Variants in VPS54 observed in about 807,000 individuals in gnomAD.
VPS54 encodes the protein VPS54 subunit of GARP complex.
In VPS54, 45 loss-of-function variants were observed where a neutral mutation model predicts 121.5. That is an observed-to-expected ratio of 0.37 (90% CI 0.29 to 0.47). VPS54 has a LOEUF of 0.47. Ranked by LOEUF, VPS54 falls within the 20% of genes least tolerant of loss-of-function variation. VPS54 has a pLI of 0.99. For synonymous variants in VPS54, 371 were observed against 385.8 expected (o/e 0.96, Z 0.45); for missense variants, 1,090 against 1,131.4 (o/e 0.96, Z 0.52).
intron 1 of VPS54, among the ~76,000 whole-genome samples, chr2:64,012,591 C>T (rs74345562): frequency 0.028 from 4,277 of 151,692 alleles, 197 homozygotes; most frequent in African/African-American, 0.098. Flanking sequence ...AGAGTTAATC[C>T]CCCAACAGCT....
At chr2:63,942,797 G>C (rs1674801290) in intron 10 of VPS54, among the ~76,000 whole-genome samples, 1 of 152,090 alleles carries the variant, frequency 6.6e-6, no homozygotes, top group Non-Finnish European at 1.5e-5. Flanking sequence ...CAAGCTTTAT[G>C]ATCATTGAAT....
intron 1 of VPS54, 41 bp from the exon 2 acceptor site, chr2:63,984,060 C>G: frequency 6.7e-7 from 1 of 1,489,448 alleles, no homozygotes. Flanking sequence ...CACCGCAAAT[C>G]AAAATCCAAG....
chr2:63,986,590 GATTTC>G (rs1480856165), intron 1 of VPS54, among the ~76,000 whole-genome samples: 7 of 152,262 alleles, frequency 4.6e-5, no homozygotes, highest in African/African-American at 1.7e-4. Flanking sequence ...TCAATATACT[GATTTC>G]ATTTATTGTA....
chr2:64,014,885 A>C (rs1374643470), intron 1 of VPS54, among the ~76,000 whole-genome samples: 1 of 152,180 alleles, frequency 6.6e-6, no homozygotes, highest in Non-Finnish European at 1.5e-5. Flanking sequence ...AGTGATCTCA[A>C]CTGTCAATTA....
chr2:63,944,922 C>G (rs942983777), intron 9 of VPS54, among the ~76,000 whole-genome samples: 3 of 152,146 alleles, frequency 2.0e-5, no homozygotes, highest in Non-Finnish European at 2.9e-5. Context: ...AAAGGGAACA[C>G]TTATACACTG....
chr2:63,995,745 C>A (rs1036618843), intron 1 of VPS54, among the ~76,000 whole-genome samples: 1 of 152,220 alleles, frequency 6.6e-6, no homozygotes, highest in African/African-American at 2.4e-5. Flanking sequence ...GACTGGAATA[C>A]TTCAGATTTC....
At chr2:63,962,581 T>G in intron 6 of VPS54, 138 bp from the exon 7 acceptor site, 1 of 1,110,350 alleles carries the variant, frequency 9.0e-7, no homozygotes, top group South Asian at 1.7e-5. Context: ...GTGAGATCCT[T>G]GAAATTGGGC....
At position 63,899,420 on chromosome 2, in the gene VPS54, G is replaced by C. The variant is rs1471803997; in HGVS notation, c.2733+54C>G. The C allele has an allele frequency of 3.3e-6, 5 of 1,497,498 alleles. No homozygotes were observed. The East Asian group carries it at 9.1e-5, about 27-fold the overall frequency. 92.8% of individuals were successfully genotyped at this position (1,497,498 alleles called of 1,614,324 possible). On this transcript the variant is annotated intron_variant, in intron 21 of 22. Transcript: ENST00000272322. ...AAGCATGTAAAAACACCCCAATTCT[G>C]TACAGATATTGTATGTTATATATAC...
rs372423304 is a variant in VPS54 at position 63,911,889 on chromosome 2, T to C, written c.2625+456A>G. Among the ~76,000 whole-genome samples, 20 of 152,338 alleles carry C rather than the reference T, an allele frequency of 1.3e-4. No individual in the cohort carries two copies. The East Asian group carries it at 3.7e-3, about 28-fold the overall frequency. On this transcript the variant is annotated intron_variant, in intron 20 of 22. Coordinates refer to ENST00000272322, the MANE Select transcript of VPS54 (RefSeq NM_016516.3). Reference sequence around the variant, plus strand: ...ATTGGGGCTGACTAAATGATATTTTTCTGAAGATACTCTCCCAGTATAACT... The same window carrying C: ...ATTGGGGCTGACTAAATGATATTTTCCTGAAGATACTCTCCCAGTATAACT...
At chr2:64,000,585 G>A (rs1677825455) in intron 1 of VPS54, among the ~76,000 whole-genome samples, 1 of 152,220 alleles carries the variant, frequency 6.6e-6, no homozygotes, top group African/African-American at 2.4e-5. Context: ...AGCTGTATCT[G>A]CTTTAGGGGG....
chr2:63,995,855 A>C, intron 1 of VPS54, among the ~76,000 whole-genome samples: 1 of 152,234 alleles, frequency 6.6e-6, no homozygotes, highest in African/African-American at 2.4e-5. Context: ...GGACATGACT[A>C]AATTAAATAA....
intron 1 of VPS54, among the ~76,000 whole-genome samples, chr2:64,001,783 A>C (rs941057231): frequency 6.6e-6 from 1 of 151,822 alleles, no homozygotes; most frequent in Non-Finnish European, 1.5e-5. Flanking sequence ...CCCAAGCAGA[A>C]GGTAGGGATA....
At chr2:63,971,073 C>G (rs908696243) in intron 4 of VPS54, among the ~76,000 whole-genome samples, 58 of 152,244 alleles carry the variant, frequency 3.8e-4, no homozygotes, top group African/African-American at 1.3e-3. Flanking sequence ...CACTGTCACC[C>G]ACCCAGTTGT....
chr2:63,978,666 C>G (rs919302601), intron 3 of VPS54, among the ~76,000 whole-genome samples: 4 of 152,094 alleles, frequency 2.6e-5, no homozygotes, highest in African/African-American at 9.7e-5. Flanking sequence ...GTCACCCAGG[C>G]TGGAGTGGAA....
rs764515091 is a variant in VPS54, at chr2:64,005,089, C to CTTTTTTTTTTTTTTTTTTTTTT, written c.-21+13827_-21+13848dup. Among the ~76,000 whole-genome samples, 3 of 44,130 alleles carry CTTTTTTTTTTTTTTTTTTTTTT rather than the reference C, an allele frequency of 6.8e-5. 1 individual carries two copies. Among genetic ancestry groups the CTTTTTTTTTTTTTTTTTTTTTT allele is most frequent in the African/African-American group, 1.9e-4 (2 of 10,540 alleles). 29.0% of individuals were successfully genotyped at this position (44,130 alleles called of 152,430 possible). ...TACCATGCCCAGTCTACTATTGCTT[C>CTTTTTTTTTTTTTTTTTTTTTT]TTTTTTTTTTTTTTTTTTTTTTTTT... On this transcript the variant is annotated intron_variant, in intron 1 of 22. Transcript: ENST00000272322.
At chr2:63,999,432 T>C (rs1390110828) in intron 1 of VPS54, among the ~76,000 whole-genome samples, 1 of 152,238 alleles carries the variant, frequency 6.6e-6, no homozygotes, top group Non-Finnish European at 1.5e-5. Flanking sequence ...TCTTGGCCTG[T>C]AAGGTTTCTA....
intron 1 of VPS54, among the ~76,000 whole-genome samples, chr2:64,010,911 G>A (rs1214329195): frequency 6.6e-6 from 1 of 152,134 alleles, no homozygotes; most frequent in Non-Finnish European, 1.5e-5. Flanking sequence ...CAAAGTTGTA[G>A]TAATCTAATT....
chr2:64,009,371 A>G (rs1379775820), intron 1 of VPS54, among the ~76,000 whole-genome samples: 1 of 152,060 alleles, frequency 6.6e-6, no homozygotes, highest in African/African-American at 2.4e-5. Flanking sequence ...ACTGGAGTAC[A>G]GTGGCAAGAT....
At chr2:63,895,754 GATATT>G (rs1217607656) in intron 22 of VPS54, among the ~76,000 whole-genome samples, 1 of 152,212 alleles carries the variant, frequency 6.6e-6, no homozygotes, top group Non-Finnish European at 1.5e-5. Context: ...AATCTTCAGG[GATATT>G]TCAAAGACAT....
Sources: gnomAD v4.1 joint callset for allele counts (sites outside exome capture counted in the v4.1 genomes callset) on GRCh38, gnomAD v4.1.1 for gene constraint, MANE v1.5 for transcripts, NCBI Gene and HGNC (gene_info 2026-07-23, HGNC 2026-07-21) for gene names.